The following SEMA6D variants were observed in gnomAD, a reference collection of about 807,000 sequenced individuals.
SEMA6D encodes semaphorin-6D.
In SEMA6D, 35 loss-of-function variants were observed where a neutral mutation model predicts 106.6. That is an observed-to-expected ratio of 0.33 (90% CI 0.25 to 0.44). SEMA6D has a LOEUF of 0.44. Among genes scored for constraint, SEMA6D ranks in the 20% least tolerant of loss-of-function variants. The pLI is 1.00. For missense variants in SEMA6D, 1,185 were observed against 1,345.9 expected (o/e 0.88, Z 1.87); for synonymous variants, 499 against 487.7 (o/e 1.02, Z -0.31).
intron 1 of SEMA6D, among the ~76,000 whole-genome samples, chr15:47,729,339 G>T (rs1316307883): frequency 2.0e-5 from 3 of 152,100 alleles, no homozygotes; most frequent in African/African-American, 7.2e-5. Context: ...TCTTCTCAGG[G>T]TGTATATTAT....
chr15:47,674,729 G>A (rs185782171), intron 4 of SEMA6D, among the ~76,000 whole-genome samples: 1 of 152,342 alleles, frequency 6.6e-6, no homozygotes, highest in East Asian at 1.9e-4. Context: ...GCAGCTGGAG[G>A]AGGATGGCGC....
chr15:47,310,840 CAT>C (rs1397403585), intron 1 of SEMA6D, among the ~76,000 whole-genome samples: 1 of 152,138 alleles, frequency 6.6e-6, no homozygotes, highest in African/African-American at 2.4e-5. Context: ...AAAAAGTAGA[CAT>C]GTAAGTTCTA....
intron 4 of SEMA6D, among the ~76,000 whole-genome samples, chr15:47,704,478 G>C (rs917357017): frequency 1.3e-5 from 2 of 152,104 alleles, no homozygotes; most frequent in Non-Finnish European, 2.9e-5. Flanking sequence ...CAGCACTTTG[G>C]GAGGCCAAAA....
intron 2 of SEMA6D, among the ~76,000 whole-genome samples, chr15:47,465,408 C>T (rs2042629581): frequency 6.6e-6 from 1 of 152,162 alleles, no homozygotes; most frequent in Non-Finnish European, 1.5e-5. Context: ...CTAGACTTAG[C>T]TTTGCAACAT....
At chr15:47,310,812 T>TAG (rs2036419485) in intron 1 of SEMA6D, among the ~76,000 whole-genome samples, 1 of 152,170 alleles carries the variant, frequency 6.6e-6, no homozygotes, top group South Asian at 2.1e-4. Context: ...AGGAAAGAAA[T>TAG]ATCTGAGTAT....
intron 2 of SEMA6D, among the ~76,000 whole-genome samples, chr15:47,431,660 C>T (rs281237): frequency 6.6e-6 from 1 of 151,800 alleles, no homozygotes; most frequent in African/African-American, 2.4e-5. Context: ...CTAGCATGTG[C>T]ATATGAGTGA....
chr15:47,289,325 CGGAGGTT>C (rs2035500893), intron 1 of SEMA6D, among the ~76,000 whole-genome samples: 1 of 130,004 alleles, frequency 7.7e-6, no homozygotes, highest in Admixed American at 9.5e-5. Context: ...ACCTAGGAGG[CGGAGGTT>C]TCAGTGGGCC....
At chr15:47,287,820 A>G (rs1402759130) in intron 1 of SEMA6D, among the ~76,000 whole-genome samples, 7 of 152,178 alleles carry the variant, frequency 4.6e-5, no homozygotes, top group African/African-American at 1.7e-4. Flanking sequence ...GAAGTGCCTG[A>G]GACTGGGTAA....
intron 1 of SEMA6D, among the ~76,000 whole-genome samples, chr15:47,263,366 T>A (rs550206968): frequency 6.6e-6 from 1 of 151,576 alleles, no homozygotes; most frequent in Admixed American, 6.6e-5. Context: ...AAAAACACAA[T>A]CCCATAAATA....
rs1321893582 is a variant in SEMA6D at position 47,552,816 on chromosome 15, A to AT, written c.-86-48049_-86-48048insT. On this transcript the variant is annotated intron_variant, in intron 3 of 19. Coordinates refer to the SEMA6D transcript ENST00000558014. ...TTTATATATATATAAAAATATATAT[A>AT]AATATATATATTTTTATATATATAT... Among the ~76,000 whole-genome samples the AT allele has an allele frequency of 1.2e-3, 34 of 27,936 alleles. 1 individual carries two copies. Among genetic ancestry groups the AT allele is most frequent in the African/African-American group, 6.2e-3 (33 of 5,292 alleles). 18.3% of individuals were successfully genotyped at this position (27,936 alleles called of 152,430 possible).
intron 1 of SEMA6D, among the ~76,000 whole-genome samples, chr15:47,755,152 A>G (rs966753036): frequency 6.6e-6 from 1 of 152,000 alleles, no homozygotes; most frequent in Non-Finnish European, 1.5e-5. Context: ...GGGTTTCACC[A>G]TGTTGGTCAG....
intron 4 of SEMA6D, among the ~76,000 whole-genome samples, chr15:47,671,943 A>G (rs958452973): frequency 6.6e-6 from 1 of 152,218 alleles, no homozygotes; most frequent in Admixed American, 6.5e-5. Flanking sequence ...TTGAGCATTT[A>G]CAGCATGCCA....
At chr15:47,747,911 GT>G (rs1288301381) in intron 1 of SEMA6D, among the ~76,000 whole-genome samples, 1 of 152,210 alleles carries the variant, frequency 6.6e-6, no homozygotes, top group South Asian at 2.1e-4. Flanking sequence ...TTGTTAGGTA[GT>G]GAAGAGTCAC....
Position 47,492,889 on chromosome 15 carries a change from A to G in SEMA6D, c.-87+22344A>G, listed in dbSNP as rs371148838. 3.1e-3 allele frequency among the ~76,000 whole-genome samples: 473 copies of G among 152,232 alleles called. 2 individuals are homozygous for G. Among genetic ancestry groups the G allele is most frequent in the African/African-American group, 0.01 (417 of 41,550 alleles). The stretch of plus-strand genomic sequence containing the variant: ...TCTGAGTCCCAACTTTGACTTAAAT[A>G]TTGTCAAGTAAGACTCTTTTGAAGA... On this transcript the variant is annotated intron_variant, in intron 3 of 19. Coordinates refer to the SEMA6D transcript ENST00000558014.
intron 4 of SEMA6D, among the ~76,000 whole-genome samples, chr15:47,642,903 A>T (rs1650770128): frequency 1.3e-5 from 2 of 152,102 alleles, no homozygotes; most frequent in Non-Finnish European, 1.5e-5. Context: ...ATGAAAATGG[A>T]GAAGGAAATG....
intron 4 of SEMA6D, among the ~76,000 whole-genome samples, chr15:47,701,161 C>G (rs910865006): frequency 6.6e-6 from 1 of 152,026 alleles, no homozygotes; most frequent in African/African-American, 2.4e-5. Flanking sequence ...AAAGATAAAC[C>G]AAGGATTGGG....
chr15:47,206,539 C>T (rs1245417042), intron 1 of SEMA6D, among the ~76,000 whole-genome samples: 4 of 152,120 alleles, frequency 2.6e-5, no homozygotes, highest in Non-Finnish European at 5.9e-5. Flanking sequence ...CCTCAGAGCC[C>T]GTGAAGATTT....
intron 1 of SEMA6D, among the ~76,000 whole-genome samples, chr15:47,749,325 A>T (rs1315675993): frequency 6.6e-6 from 1 of 151,878 alleles, no homozygotes; most frequent in Non-Finnish European, 1.5e-5. Context: ...AAGTGATCTG[A>T]CCACCTTGGC....
intron 1 of SEMA6D, among the ~76,000 whole-genome samples, chr15:47,728,321 G>A (rs2079894551): frequency 6.6e-6 from 1 of 152,216 alleles, no homozygotes; most frequent in Non-Finnish European, 1.5e-5. Flanking sequence ...TGCTGCTCTA[G>A]TGAAAAGTAT....
Sources: gnomAD v4.1 joint callset for allele counts (sites outside exome capture counted in the v4.1 genomes callset) on GRCh38, gnomAD v4.1.1 for gene constraint, MANE v1.5 for transcripts, NCBI Gene and HGNC (gene_info 2026-07-23, HGNC 2026-07-21) for gene names.